The following PCDHGA4 variants were observed in gnomAD, a reference collection of about 807,000 sequenced individuals.
The protein encoded by PCDHGA4 is protocadherin gamma-A4.
A neutral mutation model predicts 54.6 loss-of-function variants in PCDHGA4; 38 were observed. That is an observed-to-expected ratio of 0.70 (90% CI 0.54 to 0.91). PCDHGA4 has a LOEUF of 0.91. Ranked by LOEUF, PCDHGA4 falls within the 40% of genes least tolerant of loss-of-function variation. The probability of loss-of-function intolerance (pLI) is 0.00; values close to 1 mark genes in which losing one functional copy is unlikely to be tolerated. For missense variants in PCDHGA4, 1,298 were observed against 1,220.9 expected (o/e 1.06, Z -0.94); for synonymous variants, 511 against 512.9 (o/e 1.00, Z 0.05).
At chr5:141,447,549 A>T (rs1387130901) in intron 1 of PCDHGA4, among the ~76,000 whole-genome samples, 1 of 152,216 alleles carries the variant, frequency 6.6e-6, no homozygotes, top group Non-Finnish European at 1.5e-5. Context: ...TAATGTTATG[A>T]GTACACTTGG....
intron 1 of PCDHGA4, among the ~76,000 whole-genome samples, chr5:141,459,682 A>G (rs557568098): frequency 2.4e-4 from 37 of 152,358 alleles, no homozygotes; most frequent in African/African-American, 8.2e-4. Flanking sequence ...AGCAATGCAT[A>G]AAGCGTTCCG....
At chr5:141,364,373 CTGCCCT>C in intron 1 of PCDHGA4, 1 of 1,572,690 alleles carries the variant, frequency 6.4e-7, no homozygotes, top group South Asian at 1.2e-5. Flanking sequence ...AGAGCTGCTG[CTGCCCT>C]TCATGCTCCT....
chr5:141,485,744 G>T lies in PCDHGA4; in HGVS notation c.2515-9063G>T. 1 of 1,614,226 alleles carries T rather than the reference G, an allele frequency of 6.2e-7. No individual in the cohort carries two copies. Among genetic ancestry groups the T allele is most frequent in the Non-Finnish European group, 8.5e-7 (1 of 1,180,038 alleles). On this transcript the variant is annotated intron_variant, in intron 1 of 3. Transcript: ENST00000571252. The surrounding 1 kb of genome is among the most constrained non-coding windows in gnomAD (Gnocchi z 5.7). ...GAAGAAGCGCAGCGACGGCAGCCTG[G>T]TCCCAGAGCTGCTCCTGGAGAAGCC...
At position 141,383,504 on chromosome 5, in the gene PCDHGA4, G is replaced by C. The variant is rs373658496; in HGVS notation, c.2514+25883G>C. ...CTGGTGCTGGAGCGGGTGCTGGACC[G>C]GGAGGAAGAGCGGGTTCACCACCTG... On this transcript the variant is annotated intron_variant, in intron 1 of 3. Coordinates refer to ENST00000571252, the MANE Select transcript of PCDHGA4 (RefSeq NM_018917.4). The C allele has an allele frequency of 1.9e-5, 30 of 1,612,648 alleles. No individual in the cohort carries two copies. The East Asian group carries it at 3.6e-4, about 19-fold the overall frequency.
At chr5:141,410,746 C>T in intron 1 of PCDHGA4, 1 of 1,269,920 alleles carries the variant, frequency 7.9e-7, no homozygotes, top group Non-Finnish European at 1.1e-6. Flanking sequence ...ACAATATTTT[C>T]TCAATGTTTT....
intron 3 of PCDHGA4, 99 bp from the exon 4 acceptor site, chr5:141,510,848 G>A: frequency 6.3e-7 from 1 of 1,596,080 alleles, no homozygotes. Flanking sequence ...TCAAGGCCCA[G>A]GGTGCTGTAT....
chr5:141,433,547 C>G (rs2097621028), intron 1 of PCDHGA4, among the ~76,000 whole-genome samples: 1 of 152,086 alleles, frequency 6.6e-6, no homozygotes, highest in South Asian at 2.1e-4. Context: ...ATCAGATATT[C>G]TTTTCTGGCT....
intron 1 of PCDHGA4, among the ~76,000 whole-genome samples, chr5:141,433,989 T>C (rs898601470): frequency 6.6e-6 from 1 of 152,248 alleles, no homozygotes; most frequent in Non-Finnish European, 1.5e-5. Context: ...AGAAGAGTTT[T>C]ATATTCTCTA....
In PCDHGA4 at chr5:141,355,604, CAG is replaced by C; in HGVS notation, c.499_500del (p.Glu167ThrfsTer8). Reference sequence around the variant, plus strand: ...AATGATAACCCACCCAGTTTTGGGACAGAACAGAGGGAAATAAAAGTTGCTGA... The same window carrying C: ...AATGATAACCCACCCAGTTTTGGGACAACAGAGGGAAATAAAAGTTGCTGA... On this transcript the variant is annotated frameshift_variant, in exon 1 of 4. Coordinates refer to ENST00000571252, the MANE Select transcript of PCDHGA4 (RefSeq NM_018917.4). LOFTEE classifies it high-confidence loss of function. The C allele has an allele frequency of 6.2e-7, 1 of 1,613,936 alleles. No individual in the cohort carries two copies. The highest frequency in any genetic ancestry group is 8.5e-7 in the Non-Finnish European group (1 of 1,179,880).
chr5:141,406,877 A>T (rs4912750), intron 1 of PCDHGA4, among the ~76,000 whole-genome samples: 9,155 of 152,322 alleles, frequency 0.06, 381 homozygotes, highest in Non-Finnish European at 0.089. Flanking sequence ...ACTGCTGGGA[A>T]GATTCTAAAA....
chr5:141,364,998 C>T (rs912689186), intron 1 of PCDHGA4: 1 of 1,613,920 alleles, frequency 6.2e-7, no homozygotes, highest in Non-Finnish European at 8.5e-7. Flanking sequence ...CCGGTACTCT[C>T]CGGCACCACG....
Position 141,432,325 on chromosome 5 carries a change from C to CGAGCA in PCDHGA4, c.2515-62480_2515-62476dup, listed in dbSNP as rs768604869. On this transcript the variant is annotated intron_variant, in intron 1 of 3. Coordinates refer to ENST00000571252, the MANE Select transcript of PCDHGA4 (RefSeq NM_018917.4). This position sits in a 1 kb window ranked among gnomAD's most constrained non-coding sequence, Gnocchi z 6.0. Reference sequence around the variant, plus strand: ...TGTATGCGCTGAGCTCCTTCGACTACGAGCAGTTCCGAGACTTGCAAGTGA... The same window carrying CGAGCA: ...TGTATGCGCTGAGCTCCTTCGACTACGAGCAGAGCAGTTCCGAGACTTGCAAGTGA... 20 of 1,614,142 alleles carry CGAGCA rather than the reference C, an allele frequency of 1.2e-5. No individual in the cohort carries two copies. Among genetic ancestry groups the CGAGCA allele is most frequent in the Non-Finnish European group, 1.7e-5 (20 of 1,180,050 alleles).
chr5:141,413,932 G>T (rs762255781), intron 1 of PCDHGA4: 2 of 1,613,426 alleles, frequency 1.2e-6, no homozygotes, highest in Admixed American at 1.7e-5. Context: ...AGAATACCGA[G>T]TGAGTGTTCC....
rs201325462 is a variant in PCDHGA4, at chr5:141,371,687, G to C, written c.2514+14066G>C. The C allele has an allele frequency of 3.2e-3, 5,173 of 1,614,012 alleles. 13 individuals are homozygous for C. The highest frequency in any genetic ancestry group is 4.1e-3 in the Non-Finnish European group (4,801 of 1,179,898). ...CAGCTACCGACAAAGGCAATCCACC[G>C]CTCTCCTCCAGCAAGACCATCACTC... On this transcript the variant is annotated intron_variant, in intron 1 of 3. Coordinates refer to ENST00000571252, the MANE Select transcript of PCDHGA4 (RefSeq NM_018917.4).
chr5:141,387,194 G>T (rs867598874), intron 1 of PCDHGA4, among the ~76,000 whole-genome samples: 1 of 152,178 alleles, frequency 6.6e-6, no homozygotes, highest in Non-Finnish European at 1.5e-5. Flanking sequence ...GGCAATTTTG[G>T]TATTACTGAT....
At chr5:141,413,840 G>T (rs1323659502) in intron 1 of PCDHGA4, 1 of 1,613,306 alleles carries the variant, frequency 6.2e-7, no homozygotes, top group Non-Finnish European at 8.5e-7. Flanking sequence ...TCCGACGGGG[G>T]TGACCCTCTC....
At chr5:141,463,728 G>C (rs957615020) in intron 1 of PCDHGA4, among the ~76,000 whole-genome samples, 3 of 152,066 alleles carry the variant, frequency 2.0e-5, no homozygotes, top group African/African-American at 7.2e-5. Context: ...TTACAGGCAT[G>C]AGCCACCGCG....
Position 141,477,167 on chromosome 5 carries a change from G to C in PCDHGA4, c.2515-17640G>C. The C allele has an allele frequency of 6.2e-7, 1 of 1,614,166 alleles. No individual in the cohort carries two copies. Among genetic ancestry groups the C allele is most frequent in the South Asian group, 1.1e-5 (1 of 91,076 alleles). ...TGTGGATGTGAATGACAACGCCCCG[G>C]AGATCACAGTCACCTCCGTGTACAG... On this transcript the variant is annotated intron_variant, in intron 1 of 3. Coordinates refer to ENST00000571252, the MANE Select transcript of PCDHGA4 (RefSeq NM_018917.4). The surrounding 1 kb of genome is among the most constrained non-coding windows in gnomAD (Gnocchi z 4.9).
intron 1 of PCDHGA4, among the ~76,000 whole-genome samples, chr5:141,457,920 C>T (rs1340816332): frequency 6.6e-6 from 1 of 150,868 alleles, no homozygotes; most frequent in Non-Finnish European, 1.5e-5. Flanking sequence ...GCCAGTTCTC[C>T]CCAAGGGGCT....
Sources: gnomAD v4.1 joint callset for allele counts (sites outside exome capture counted in the v4.1 genomes callset) on GRCh38, gnomAD v4.1.1 for gene constraint, Gnocchi (gnomAD v3.1) non-coding constraint, MANE v1.5 for transcripts, NCBI Gene and HGNC (gene_info 2026-07-23, HGNC 2026-07-21) for gene names.